LRP1B: variants seen among roughly 807,000 people sequenced by gnomAD.
LRP1B encodes the protein LDL receptor related protein 1B, also known as low-density lipoprotein receptor-related protein 1B.
In LRP1B, 217 loss-of-function variants were observed where a neutral mutation model predicts 556.6. The ratio of observed to expected loss-of-function variants is 0.39; its 90% CI spans 0.35 to 0.44. The LOEUF (loss-of-function observed/expected upper bound fraction) is 0.44. LRP1B is among the 20% of genes least tolerant of loss of function. The probability of loss-of-function intolerance (pLI) is 1.00; values close to 1 mark genes in which losing one functional copy is unlikely to be tolerated. For missense variants in LRP1B, 5,053 were observed against 5,620.8 expected (o/e 0.90, Z 3.23); for synonymous variants, 2,047 against 1,865.8 (o/e 1.10, Z -2.50).
At chr2:141,517,029 A>ACAAAAAAC (rs1553526097) in intron 2 of LRP1B, among the ~76,000 whole-genome samples, 1 of 90,192 alleles carries the variant, frequency 1.1e-5, no homozygotes, top group Non-Finnish European at 2.1e-5. Flanking sequence ...AAAAAAAAAA[A>ACAAAAAAC]AAAGTAAATC....
At chr2:141,556,448 C>G (rs1001783156) in intron 2 of LRP1B, among the ~76,000 whole-genome samples, 3 of 151,830 alleles carry the variant, frequency 2.0e-5, no homozygotes, top group African/African-American at 7.2e-5. Context: ...AATAGGGAAT[C>G]CCTCCAAAAG....
At chr2:140,460,176 A>T (rs548630802) in intron 60 of LRP1B, among the ~76,000 whole-genome samples, 14 of 152,284 alleles carry the variant, frequency 9.2e-5, no homozygotes, top group African/African-American at 3.1e-4. Flanking sequence ...TGGTATTTGA[A>T]TCTTAGCTCT....
At chr2:140,976,119 C>T (rs945418317) in intron 18 of LRP1B, among the ~76,000 whole-genome samples, 3 of 151,860 alleles carry the variant, frequency 2.0e-5, no homozygotes, top group Non-Finnish European at 4.4e-5. Context: ...GGGATCTGGC[C>T]ATGTTTCTCA....
rs1356408462 is a variant in LRP1B, at chr2:140,357,970, C to G, written c.11395+9G>C. 1 of 1,602,404 alleles carries G rather than the reference C, an allele frequency of 6.2e-7. No homozygotes were observed. The highest frequency in any genetic ancestry group is 8.5e-7 in the Non-Finnish European group (1 of 1,172,060). ...TCCCGGTGCTTTGCTTAACAGAAAACAAGCTCACCTATTCTGCATCCTTGC... is the reference window on the plus strand; with the variant it reads ...TCCCGGTGCTTTGCTTAACAGAAAAGAAGCTCACCTATTCTGCATCCTTGC... On this transcript the variant is annotated intron_variant, in intron 74 of 90. Coordinates refer to ENST00000389484, the MANE Select transcript of LRP1B (RefSeq NM_018557.3).
intron 18 of LRP1B, among the ~76,000 whole-genome samples, chr2:140,961,964 T>A (rs1696049446): frequency 6.6e-6 from 1 of 152,170 alleles, no homozygotes; most frequent in South Asian, 2.1e-4. Context: ...AGGTGTAGAA[T>A]GATTACTATC....
chr2:141,477,576 A>T (rs1195987899), intron 3 of LRP1B, among the ~76,000 whole-genome samples: 3 of 152,196 alleles, frequency 2.0e-5, no homozygotes, highest in Non-Finnish European at 2.9e-5. Context: ...AAACGTTGCA[A>T]ATCTAATGTT....
chr2:140,425,646 T>C lies in LRP1B; in HGVS notation c.10414+16858A>G, dbSNP rs571657148. Among the ~76,000 whole-genome samples the C allele has an allele frequency of 8.5e-5, 13 of 152,274 alleles. 1 individual carries two copies. In the East Asian group the frequency reaches 2.5e-3, roughly 29 times the overall value. ...GGCTGGTCTTGAACTCCTGACCTGG[T>C]GATCCTGCCTCAGCATCCCAAAGTG... On this transcript the variant is annotated intron_variant, in intron 66 of 90. Coordinates refer to ENST00000389484, the MANE Select transcript of LRP1B (RefSeq NM_018557.3).
At chr2:141,377,794 G>T (rs1413185164) in intron 3 of LRP1B, among the ~76,000 whole-genome samples, 1 of 151,954 alleles carries the variant, frequency 6.6e-6, no homozygotes, top group African/African-American at 2.4e-5. Context: ...AGAGTGAATT[G>T]CATTTTAGTA....
At chr2:142,041,492 C>T (rs929000807) in intron 1 of LRP1B, among the ~76,000 whole-genome samples, 5 of 151,334 alleles carry the variant, frequency 3.3e-5, no homozygotes, top group East Asian at 3.9e-4. Context: ...TTTTGAAAAC[C>T]GTATTTATGA....
intron 1 of LRP1B, among the ~76,000 whole-genome samples, chr2:141,928,789 GAGA>G (rs1187552869): frequency 3.3e-5 from 5 of 152,118 alleles, no homozygotes; most frequent in Non-Finnish European, 5.9e-5. Flanking sequence ...GGAAAGGCAG[GAGA>G]AGATCACTGT....
chr2:141,867,706 GA>G (rs1484245659), intron 1 of LRP1B, among the ~76,000 whole-genome samples: 1 of 152,054 alleles, frequency 6.6e-6, no homozygotes, highest in Non-Finnish European at 1.5e-5. Flanking sequence ...TTCAATAATA[GA>G]AAGGTAAGAC....
chr2:140,581,437 G>T (rs918094038), intron 43 of LRP1B, among the ~76,000 whole-genome samples: 1 of 151,750 alleles, frequency 6.6e-6, no homozygotes, highest in African/African-American at 2.4e-5. Context: ...TCCCGGGATC[G>T]CATACCTAAT....
At chr2:140,252,062 C>CAAAAAAAA in intron 86 of LRP1B, among the ~76,000 whole-genome samples, 27 of 18,552 alleles carry the variant, frequency 1.5e-3, no homozygotes, top group East Asian at 0.011. Flanking sequence ...TGACAAGATG[C>CAAAAAAAA]AAAAAAAAAA....
At chr2:141,366,936 T>C (rs1689061620) in intron 3 of LRP1B, among the ~76,000 whole-genome samples, 1 of 152,210 alleles carries the variant, frequency 6.6e-6, no homozygotes, top group African/African-American at 2.4e-5. Context: ...TTGAAATTAC[T>C]CCATCTTGAA....
At position 140,386,080 on chromosome 2, in the gene LRP1B, C is replaced by T. The variant is rs559642401; in HGVS notation, c.10415-71G>A. On this transcript the variant is annotated intron_variant, in intron 66 of 90. Coordinates refer to ENST00000389484, the MANE Select transcript of LRP1B (RefSeq NM_018557.3). Reference sequence around the variant, plus strand: ...ACATCCCTCACAACGTCCTCACTGCCATGCCAAATCCATGGCATATAATGT... The same window carrying T: ...ACATCCCTCACAACGTCCTCACTGCTATGCCAAATCCATGGCATATAATGT... 34 of 881,208 alleles carry T rather than the reference C, an allele frequency of 3.9e-5. 1 individual carries two copies. The South Asian group carries it at 4.2e-4, about 11-fold the overall frequency. 54.6% of individuals were successfully genotyped at this position (881,208 alleles called of 1,614,324 possible). A position where few individuals can be genotyped will look rare whatever the true frequency, so the allele number is the denominator to read the frequency against.
At chr2:141,832,614 C>T (rs1697149733) in intron 1 of LRP1B, among the ~76,000 whole-genome samples, 2 of 151,702 alleles carry the variant, frequency 1.3e-5, no homozygotes, top group African/African-American at 4.8e-5. Context: ...GAATCACAGT[C>T]ACAGAGGCAT....
intron 2 of LRP1B, among the ~76,000 whole-genome samples, chr2:141,802,104 A>C (rs887859394): frequency 9.9e-5 from 15 of 152,272 alleles, no homozygotes; most frequent in South Asian, 2.1e-4. Context: ...CTGAATTCTA[A>C]GATGAGTATT....
chr2:141,883,285 T>C (rs1338833748), intron 1 of LRP1B, among the ~76,000 whole-genome samples: 1 of 152,118 alleles, frequency 6.6e-6, no homozygotes, highest in East Asian at 1.9e-4. Context: ...GTACTTATAA[T>C]AGCACTACAA....
At chr2:141,561,597 TTC>T (rs1686155168) in intron 2 of LRP1B, among the ~76,000 whole-genome samples, 1 of 151,824 alleles carries the variant, frequency 6.6e-6, no homozygotes, top group Non-Finnish European at 1.5e-5. Context: ...GTGCACTAAA[TTC>T]TTTCAGAAAG....
Sources: gnomAD v4.1 joint callset for allele counts (sites outside exome capture counted in the v4.1 genomes callset) on GRCh38, gnomAD v4.1.1 for gene constraint, MANE v1.5 for transcripts, NCBI Gene and HGNC (gene_info 2026-07-23, HGNC 2026-07-21) for gene names.